KCNQ5: variants seen among roughly 807,000 people sequenced by gnomAD.
KCNQ5 encodes potassium voltage-gated channel subfamily KQT member 5.
KCNQ5 carries 30 observed loss-of-function variants against 98.2 expected under a neutral mutation model. The observed-to-expected ratio is 0.31, with a 90% CI of 0.23 to 0.41. The LOEUF is 0.41. Among genes scored for constraint, KCNQ5 ranks in the 10% least tolerant of loss-of-function variants. KCNQ5 has a pLI of 1.00. For missense variants in KCNQ5, 835 were observed against 1,182.5 expected (o/e 0.71, Z 4.31); for synonymous variants, 458 against 449.4 (o/e 1.02, Z -0.24).
intron 1 of KCNQ5, among the ~76,000 whole-genome samples, chr6:72,641,910 T>G (rs2098927389): frequency 6.6e-6 from 1 of 151,956 alleles, no homozygotes; most frequent in Non-Finnish European, 1.5e-5. Context: ...TGAAGGGTTC[T>G]CCTTTATTTT....
chr6:72,955,989 CA>C (rs1767025838), intron 1 of KCNQ5, among the ~76,000 whole-genome samples: 1 of 152,108 alleles, frequency 6.6e-6, no homozygotes, highest in African/African-American at 2.4e-5. Flanking sequence ...TAAAATATCC[CA>C]GGTACTAAAT....
At position 73,124,519 on chromosome 6, in the gene KCNQ5, G is replaced by A. The variant is rs1339228434; in HGVS notation, c.1247+7G>A. On this transcript the variant is annotated splice_region_variant and intron_variant, in intron 9 of 13. Transcript: ENST00000370398. ...AAGGGGAAGCATCAAGCAGGTTTGT[G>A]ATTTCTCTCTTGCTACATGTTTGTT... is the stretch of plus-strand genomic sequence containing the variant. 1 of 1,613,108 alleles carries A rather than the reference G, an allele frequency of 6.2e-7. No individual in the cohort carries two copies. Among genetic ancestry groups the A allele is most frequent in the Non-Finnish European group, 8.5e-7 (1 of 1,179,206 alleles).
chr6:73,046,934 C>T (rs769448950), intron 3 of KCNQ5, among the ~76,000 whole-genome samples: 4 of 152,136 alleles, frequency 2.6e-5, no homozygotes, highest in East Asian at 1.9e-4. Context: ...TGAGCCACCA[C>T]GCCTGGCCTT....
At chr6:73,186,521 A>AT (rs1778576969) in intron 11 of KCNQ5, among the ~76,000 whole-genome samples, 2 of 152,342 alleles carry the variant, frequency 1.3e-5, no homozygotes, top group East Asian at 3.9e-4. Flanking sequence ...TCTGTAGTGT[A>AT]AATACTCCTG....
chr6:72,955,024 TAGG>T (rs1465362471), intron 1 of KCNQ5, among the ~76,000 whole-genome samples: 1 of 152,226 alleles, frequency 6.6e-6, no homozygotes, highest in Non-Finnish European at 1.5e-5. Flanking sequence ...TTCCTCCAGA[TAGG>T]AGAAGTCTCT....
intron 1 of KCNQ5, among the ~76,000 whole-genome samples, chr6:72,936,653 TA>T (rs1765931359): frequency 6.6e-6 from 1 of 152,218 alleles, no homozygotes; most frequent in Non-Finnish European, 1.5e-5. Flanking sequence ...ACTGAAATTA[TA>T]ACCACAGAAA....
At chr6:72,635,670 G>GT (rs528990234) in intron 1 of KCNQ5, among the ~76,000 whole-genome samples, 5,355 of 64,934 alleles carry the variant, frequency 0.082, 230 homozygotes, top group African/African-American at 0.16. Flanking sequence ...ATTGCTCCTA[G>GT]TTTTTTTTTT....
At chr6:72,929,743 G>T (rs1374432477) in intron 1 of KCNQ5, among the ~76,000 whole-genome samples, 1 of 152,002 alleles carries the variant, frequency 6.6e-6, no homozygotes, top group Admixed American at 6.6e-5. Flanking sequence ...TCCAGAACAT[G>T]AAAAATGCTC....
chr6:72,726,660 G>C (rs1290058118), intron 1 of KCNQ5, among the ~76,000 whole-genome samples: 2 of 152,132 alleles, frequency 1.3e-5, no homozygotes, highest in African/African-American at 4.8e-5. Flanking sequence ...GAGATGATCA[G>C]ATGATTAAAA....
At chr6:72,623,748 A>G (rs1581995165) in intron 1 of KCNQ5, among the ~76,000 whole-genome samples, 1 of 152,252 alleles carries the variant, frequency 6.6e-6, no homozygotes. Flanking sequence ...ACCAGTAGAG[A>G]AAGTTGCAGA....
chr6:72,630,348 T>C (rs1050786666), intron 1 of KCNQ5: 2 of 152,204 alleles, frequency 1.3e-5, no homozygotes, highest in Non-Finnish European at 2.9e-5. Context: ...GAGGTAATTC[T>C]AGAATCCCTA....
At chr6:72,854,279 T>G (rs200185356) in intron 1 of KCNQ5, among the ~76,000 whole-genome samples, 1 of 127,344 alleles carries the variant, frequency 7.9e-6, no homozygotes, top group African/African-American at 2.9e-5. Context: ...AATTTTTTTT[T>G]AAAATTTGGT....
intron 9 of KCNQ5, chr6:73,125,466 TC>T (rs932478452): frequency 7.7e-6 from 4 of 517,850 alleles, no homozygotes; most frequent in African/African-American, 7.7e-5. Flanking sequence ...ACATTTTTTT[TC>T]CTATCATTGT....
At chr6:72,974,744 C>CTT (rs760371964) in intron 1 of KCNQ5, among the ~76,000 whole-genome samples, 1 of 144,908 alleles carries the variant, frequency 6.9e-6, no homozygotes. Context: ...ACACTTTCTA[C>CTT]TTTTTTTTTT....
At chr6:72,981,401 A>C (rs1255976892) in intron 1 of KCNQ5, among the ~76,000 whole-genome samples, 1 of 152,026 alleles carries the variant, frequency 6.6e-6, no homozygotes, top group Admixed American at 6.6e-5. Flanking sequence ...GTGTATATGT[A>C]TAGGAATTTA....
intron 1 of KCNQ5, among the ~76,000 whole-genome samples, chr6:72,779,228 C>T (rs551164203): frequency 9.2e-5 from 14 of 152,240 alleles, no homozygotes; most frequent in African/African-American, 3.4e-4. Flanking sequence ...CAAGAGAGGG[C>T]ATTATGAGGC....
intron 1 of KCNQ5, among the ~76,000 whole-genome samples, chr6:72,994,548 C>A (rs966084688): frequency 8.2e-5 from 12 of 145,880 alleles, no homozygotes; most frequent in Admixed American, 4.1e-4. Context: ...CACTGGCCTG[C>A]GCCCACTGTC....
intron 1 of KCNQ5, among the ~76,000 whole-genome samples, chr6:72,971,852 A>T (rs1411809327): frequency 1.3e-5 from 2 of 152,002 alleles, no homozygotes; most frequent in Non-Finnish European, 2.9e-5. Flanking sequence ...GTGGGAGGAG[A>T]GGGGAGGGAT....
chr6:73,015,556 AGT>A (rs1176191503), intron 2 of KCNQ5, among the ~76,000 whole-genome samples: 14 of 152,112 alleles, frequency 9.2e-5, no homozygotes, highest in African/African-American at 2.9e-4. Context: ...TGTCTAACCA[AGT>A]GGTCCAGGCT....
Sources: allele counts gnomAD v4.1 joint callset (sites outside exome capture counted in the v4.1 genomes callset), GRCh38; gene constraint gnomAD v4.1.1; transcripts MANE v1.5; gene names NCBI Gene and HGNC (gene_info 2026-07-23, HGNC 2026-07-21).